PLS1: variants seen among roughly 807,000 people sequenced by gnomAD.
The protein encoded by PLS1 is plastin 1, also known as plastin-1.
A neutral mutation model predicts 73.7 loss-of-function variants in PLS1; 32 were observed. The ratio of observed to expected loss-of-function variants is 0.43; its 90% CI spans 0.33 to 0.58. The LOEUF is 0.58. Among genes scored for constraint, PLS1 ranks in the 20% least tolerant of loss-of-function variants. The probability of loss-of-function intolerance (pLI) is 0.04; values close to 1 mark genes in which losing one functional copy is unlikely to be tolerated. For missense variants in PLS1, 633 were observed against 740.5 expected, an observed-to-expected ratio of 0.85 and a Z score of 1.68; for synonymous variants, 217 against 261.3, an observed-to-expected ratio of 0.83 and a Z score of 1.63.
intron 1 of PLS1, among the ~76,000 whole-genome samples, chr3:142,599,486 C>T (rs926404946): frequency 9.2e-5 from 14 of 151,430 alleles, no homozygotes; most frequent in African/African-American, 2.2e-4. Flanking sequence ...CCCGCCACCG[C>T]GCCCGGCTAA....
rs576371708 is a variant in PLS1 at position 142,660,475 on chromosome 3, G to C, written c.-36-3727G>C. ...AGAATGCTTACAGTATCCTAAAGTT[G>C]GGCAAAACTTTCTGACAACGTGGTA... On this transcript the variant is annotated intron_variant, in intron 1 of 15. Transcript: ENST00000457734. Among the ~76,000 whole-genome samples the C allele has an allele frequency of 5.9e-5, 9 of 152,202 alleles. 1 individual carries two copies. In the South Asian group the frequency reaches 1.5e-3, roughly 25 times the overall value.
intron 14 of PLS1, among the ~76,000 whole-genome samples, chr3:142,706,410 A>C (rs1337472789): frequency 6.6e-6 from 1 of 152,116 alleles, no homozygotes; most frequent in Non-Finnish European, 1.5e-5. Context: ...TAGTGGAGAG[A>C]AAGGGGGATA....
rs567483681 is a variant in PLS1 at position 142,639,848 on chromosome 3, T to C, written c.-36-24354T>C. Reference sequence around the variant, plus strand: ...GTGTAGAGAATAAATCTAATATTTTTTTCTATATCCCCTATGATGTTTGAC... The same window carrying C: ...GTGTAGAGAATAAATCTAATATTTTCTTCTATATCCCCTATGATGTTTGAC... On this transcript the variant is annotated intron_variant, in intron 1 of 15. Coordinates refer to ENST00000457734, the MANE Select transcript of PLS1 (RefSeq NM_001145319.2). Among the ~76,000 whole-genome samples, 8 of 152,308 alleles carry C rather than the reference T, an allele frequency of 5.3e-5. No individual in the cohort carries two copies. The South Asian group carries it at 1.7e-3, about 32-fold the overall frequency.
chr3:142,614,875 AAG>A (rs2036187194), intron 1 of PLS1, among the ~76,000 whole-genome samples: 1 of 152,158 alleles, frequency 6.6e-6, no homozygotes, highest in Non-Finnish European at 1.5e-5. Context: ...TTCCTGGAGA[AAG>A]AGGGGCTGGA....
intron 1 of PLS1, among the ~76,000 whole-genome samples, chr3:142,645,924 T>C (rs2108624644): frequency 6.6e-6 from 1 of 152,272 alleles, no homozygotes; most frequent in Middle Eastern, 3.4e-3. Flanking sequence ...AGTCAGGTTC[T>C]AGGGCAGCTT....
At chr3:142,657,751 G>A (rs536247785) in intron 1 of PLS1, among the ~76,000 whole-genome samples, 2 of 152,276 alleles carry the variant, frequency 1.3e-5, no homozygotes, top group South Asian at 4.1e-4. Context: ...CCCTCCCAAA[G>A]TGCTGGGATT....
At chr3:142,701,178 T>C (rs997564164) in intron 12 of PLS1, among the ~76,000 whole-genome samples, 2 of 152,234 alleles carry the variant, frequency 1.3e-5, no homozygotes, top group Non-Finnish European at 2.9e-5. Context: ...GCATAGGTTC[T>C]TCATCTTTTA....
At chr3:142,708,350 G>A (rs1288960478) in intron 14 of PLS1, among the ~76,000 whole-genome samples, 1 of 152,266 alleles carries the variant, frequency 6.6e-6, no homozygotes, top group Non-Finnish European at 1.5e-5. Flanking sequence ...AGGGTCAAGC[G>A]ATTCTCCTGC....
At position 142,698,072 on chromosome 3, in the gene PLS1, A is replaced by C. The variant is rs761052991; in HGVS notation, c.1371+5A>C. 4.2e-6 allele frequency: 6 copies of C among 1,419,356 alleles called. No individual in the cohort carries two copies. The highest frequency in any genetic ancestry group is 2.8e-5 in the African/African-American group (2 of 71,094). The allele number at this position is 1,419,356 out of a possible 1,614,324, so 87.9% of individuals were successfully genotyped here. On this transcript the variant is annotated splice_donor_5th_base_variant and intron_variant, in intron 12 of 15. Transcript: ENST00000457734. ...CTTGGAGGGAACATGAAGAAGGTGA[A>C]TGAAATAATGGCCATGGATATATTG...
chr3:142,700,569 G>A (rs749860776), intron 12 of PLS1, among the ~76,000 whole-genome samples: 7 of 152,122 alleles, frequency 4.6e-5, no homozygotes, highest in African/African-American at 9.7e-5. Context: ...TGATCCACCC[G>A]CCTTGGCCTC....
intron 1 of PLS1, among the ~76,000 whole-genome samples, chr3:142,625,907 G>A (rs756635728): frequency 2.0e-5 from 3 of 152,158 alleles, no homozygotes; most frequent in Admixed American, 6.5e-5. Context: ...CCAGGAGTTC[G>A]AGGCAGCAGT....
intron 1 of PLS1, among the ~76,000 whole-genome samples, chr3:142,627,504 A>G (rs1264972859): frequency 6.6e-6 from 1 of 152,182 alleles, no homozygotes; most frequent in African/African-American, 2.4e-5. Context: ...AATTTTTGTC[A>G]GACCCATGTT....
At chr3:142,703,290 T>C (rs1425359162) in intron 12 of PLS1, among the ~76,000 whole-genome samples, 1 of 644 alleles carries the variant, frequency 1.6e-3, no homozygotes, top group Non-Finnish European at 3.2e-3. Flanking sequence ...TAGTCAAGAA[T>C]TTTTTTTTTT....
chr3:142,697,905 A>C, intron 11 of PLS1, 48 bp from the exon 12 acceptor site: 185 of 1,014,078 alleles, frequency 1.8e-4, no homozygotes, highest in Non-Finnish European at 2.6e-4. Context: ...AAATTAGGTA[A>C]TACCCAACAT....
chr3:142,600,790 G>GGA (rs753990506), intron 1 of PLS1, among the ~76,000 whole-genome samples: 1 of 143,738 alleles, frequency 7.0e-6, no homozygotes, highest in African/African-American at 2.6e-5. Flanking sequence ...AAAATGTCAA[G>GGA]GAGAGAGAGA....
rs899886900 is a variant in PLS1, at chr3:142,696,855, A to AT, written c.1257-1089dup. ...CAGAACCTATAGAAATACTTCAGTG[A>AT]TTTTTTTTTATACAGAATGTTTCAT... On this transcript the variant is annotated intron_variant, in intron 11 of 15. Coordinates refer to ENST00000457734, the MANE Select transcript of PLS1 (RefSeq NM_001145319.2). Among the ~76,000 whole-genome samples the AT allele has an allele frequency of 4.3e-4, 64 of 149,320 alleles. 1 individual carries two copies. Among genetic ancestry groups the AT allele is most frequent in the Middle Eastern group, 3.4e-3 (1 of 292 alleles).
intron 1 of PLS1, among the ~76,000 whole-genome samples, chr3:142,598,138 A>G (rs550575848): frequency 6.6e-6 from 1 of 152,102 alleles, no homozygotes; most frequent in Non-Finnish European, 1.5e-5. Flanking sequence ...TCTGAACCCT[A>G]TAGCACTTAC....
chr3:142,700,484 G>A (rs1285101387), intron 12 of PLS1, among the ~76,000 whole-genome samples: 2 of 151,884 alleles, frequency 1.3e-5, no homozygotes, highest in East Asian at 1.9e-4. Flanking sequence ...CACCACGCTC[G>A]GCTAATTTTT....
At chr3:142,598,836 A>G (rs1426392515) in intron 1 of PLS1, among the ~76,000 whole-genome samples, 1 of 152,040 alleles carries the variant, frequency 6.6e-6, no homozygotes, top group Non-Finnish European at 1.5e-5. Flanking sequence ...TCTCTACTAA[A>G]AATACAAAAA....
Sources: gnomAD v4.1 joint callset for allele counts (sites outside exome capture counted in the v4.1 genomes callset) on GRCh38, gnomAD v4.1.1 for gene constraint, MANE v1.5 for transcripts, NCBI Gene and HGNC (gene_info 2026-07-23, HGNC 2026-07-21) for gene names.